The following ACACA variants were observed in gnomAD, a reference collection of about 807,000 sequenced individuals.
ACACA encodes acetyl-CoA carboxylase alpha.
Under a neutral mutation model 296.1 loss-of-function variants are expected in ACACA, and 103 were observed. The observed-to-expected ratio is 0.35, with a 90% CI of 0.30 to 0.41. The LOEUF (loss-of-function observed/expected upper bound fraction) is 0.41, where lower values mean the gene tolerates loss of function less well. Ranked by LOEUF, ACACA falls within the 10% of genes least tolerant of loss-of-function variation. The pLI, the probability that ACACA is intolerant of heterozygous loss-of-function variation, is 1.00. For missense variants in ACACA, 1,554 were observed against 2,989.7 expected (o/e 0.52, Z 11.20); for synonymous variants, 953 against 1,038.6 (o/e 0.92, Z 1.58).
intron 1 of ACACA, among the ~76,000 whole-genome samples, chr17:37,349,818 C>T (rs575742225): frequency 6.6e-6 from 1 of 152,142 alleles, no homozygotes; most frequent in Admixed American, 6.6e-5. Flanking sequence ...CTCAGCCTCC[C>T]AAAGTGCTGG....
At chr17:37,288,906 CA>C (rs1208153463) in intron 3 of ACACA, among the ~76,000 whole-genome samples, 1 of 147,112 alleles carries the variant, frequency 6.8e-6, no homozygotes. Flanking sequence ...CCCGCTCCAC[CA>C]AAAAAAAAGG....
At chr17:37,146,989 C>T (rs528342606) in intron 45 of ACACA, among the ~76,000 whole-genome samples, 5 of 152,138 alleles carry the variant, frequency 3.3e-5, no homozygotes, top group East Asian at 1.9e-4. Flanking sequence ...AGTCAGGAGA[C>T]GTGCATTATC....
At chr17:37,162,142 C>T in intron 41 of ACACA, 92 bp from the exon 42 acceptor site, 1 of 1,375,290 alleles carries the variant, frequency 7.3e-7, no homozygotes, top group East Asian at 2.3e-5. Flanking sequence ...TACCTAGGCA[C>T]AGCCATTATG....
chr17:37,155,928 C>T, intron 42 of ACACA, 148 bp from the exon 43 acceptor site: 1 of 654,404 alleles, frequency 1.5e-6, no homozygotes, highest in Non-Finnish European at 2.7e-6. Flanking sequence ...AGAATACTAG[C>T]ACAGACAGTC....
At chr17:37,359,818 G>A (rs1050277212) in intron 1 of ACACA, among the ~76,000 whole-genome samples, 2 of 152,004 alleles carry the variant, frequency 1.3e-5, no homozygotes, top group Admixed American at 1.3e-4. Flanking sequence ...CCAGCCCCCC[G>A]TTTCGCTCCT....
chr17:37,363,551 T>A (rs1054032718), intron 1 of ACACA, among the ~76,000 whole-genome samples: 4 of 152,152 alleles, frequency 2.6e-5, no homozygotes, highest in African/African-American at 9.7e-5. Flanking sequence ...GTTTAAGATT[T>A]ATCATTATTG....
At chr17:37,104,944 GAAAAAAA>G (rs66518229) in intron 52 of ACACA, among the ~76,000 whole-genome samples, 1 of 56,644 alleles carries the variant, frequency 1.8e-5, no homozygotes, top group African/African-American at 7.1e-5. Context: ...GTCTCTGACC[GAAAAAAA>G]AAAAAAAAAA....
rs146018532 is a variant in ACACA, at chr17:37,355,168, G to A, written c.39-15318C>T. 9.6e-3 allele frequency among the ~76,000 whole-genome samples: 1,454 copies of A among 150,944 alleles called. 20 individuals carry two copies. The highest frequency in any genetic ancestry group is 0.034 in the African/African-American group (1,377 of 41,092). On this transcript the variant is annotated intron_variant, in intron 1 of 55. Transcript: ENST00000616317. The stretch of plus-strand genomic sequence containing the variant: ...TGAGGCAGGAGAATTGCTTGAACCC[G>A]GGTGGCGGTGGTTGCAGTGAGCCGA...
chr17:37,279,281 G>C (rs1335329669), intron 5 of ACACA, among the ~76,000 whole-genome samples: 1 of 152,126 alleles, frequency 6.6e-6, no homozygotes, highest in East Asian at 1.9e-4. Flanking sequence ...AGGAAGGAAA[G>C]CATGCAAATT....
intron 2 of ACACA, among the ~76,000 whole-genome samples, chr17:37,338,517 C>T (rs569691553): frequency 6.6e-6 from 1 of 150,572 alleles, no homozygotes; most frequent in East Asian, 2.0e-4. Flanking sequence ...ATTAGCCGAG[C>T]GTGGCGCATG....
Position 37,246,882 on chromosome 17 carries a change from A to G in ACACA, c.2404T>C (p.Tyr802His). ...RSPSAGKLIQ[Y>H]IVEDGGHVFA... is the part of the protein sequence containing the mutation. ...ACATGACCTCCATCTTCTACAATGTACTGGATTAACTTCCCAGCAGAAGGT... is the reference window on the plus strand; with the variant it reads ...ACATGACCTCCATCTTCTACAATGTGCTGGATTAACTTCCCAGCAGAAGGT... The change falls in exon 19 of 56, where the codon TAC becomes CAC. Residue 802 changes from tyrosine to histidine, a missense_variant. Coordinates refer to ENST00000616317, the MANE Select transcript of ACACA (RefSeq NM_198834.3). 2 of 1,614,090 alleles carry G rather than the reference A, an allele frequency of 1.2e-6. No homozygotes were observed. Among genetic ancestry groups the G allele is most frequent in the Non-Finnish European group, 1.7e-6 (2 of 1,180,012 alleles).
intron 1 of ACACA, among the ~76,000 whole-genome samples, chr17:37,394,806 G>A (rs1257184137): frequency 6.6e-6 from 1 of 150,450 alleles, no homozygotes; most frequent in African/African-American, 2.4e-5. Context: ...GGAGAATGGC[G>A]TGAACCCGGG....
intron 45 of ACACA, among the ~76,000 whole-genome samples, chr17:37,139,058 G>A (rs957706808): frequency 6.6e-6 from 1 of 152,180 alleles, no homozygotes; most frequent in Middle Eastern, 3.2e-3. Context: ...GAAGAGAGGA[G>A]AGGGGTTGAC....
chr17:37,158,013 T>G (rs1338958547), intron 42 of ACACA, among the ~76,000 whole-genome samples: 1 of 152,106 alleles, frequency 6.6e-6, no homozygotes, highest in Non-Finnish European at 1.5e-5. Context: ...CTGGATATAT[T>G]TTAAGGTAGG....
chr17:37,197,343 C>G (rs2078049228), intron 35 of ACACA, among the ~76,000 whole-genome samples: 1 of 152,218 alleles, frequency 6.6e-6, no homozygotes, highest in African/African-American at 2.4e-5. Context: ...CTTTATTCCA[C>G]TAACCAATGT....
At chr17:37,400,419 C>G (rs1230767371) in intron 1 of ACACA, among the ~76,000 whole-genome samples, 1 of 152,106 alleles carries the variant, frequency 6.6e-6, no homozygotes, top group Non-Finnish European at 1.5e-5. Context: ...AGTGCCTGGC[C>G]TCAAGTATAT....
intron 1 of ACACA, chr17:37,392,028 A>G (rs536254921): frequency 9.3e-6 from 3 of 323,254 alleles, no homozygotes; most frequent in East Asian, 1.0e-4. Context: ...TCTCTTTGAC[A>G]GAAGACTCAA....
chr17:37,224,665 A>C (rs1359564059), intron 27 of ACACA, among the ~76,000 whole-genome samples: 1 of 152,072 alleles, frequency 6.6e-6, no homozygotes, highest in Non-Finnish European at 1.5e-5. Flanking sequence ...ATATATATAT[A>C]TATATCAGAA....
intron 3 of ACACA, among the ~76,000 whole-genome samples, chr17:37,300,311 T>C (rs1184762067): frequency 3.3e-5 from 5 of 152,214 alleles, no homozygotes; most frequent in African/African-American, 1.2e-4. Flanking sequence ...ACTAGCTGAA[T>C]GTTATCTTGT....
Sources: gnomAD v4.1 joint callset for allele counts (sites outside exome capture counted in the v4.1 genomes callset) on GRCh38, gnomAD v4.1.1 for gene constraint, MANE v1.5 for transcripts, NCBI Gene and HGNC (gene_info 2026-07-23, HGNC 2026-07-21) for gene names.